Variants in SOX2 observed in about 807,000 individuals in gnomAD.
The protein encoded by SOX2 is transcription factor SOX-2.
A neutral mutation model predicts 19.7 loss-of-function variants in SOX2; 2 were observed. That is an observed-to-expected ratio of 0.10 (90% CI 0.04 to 0.32). The LOEUF (loss-of-function observed/expected upper bound fraction) is 0.32, where lower values mean the gene tolerates loss of function less well. SOX2 is among the 10% of genes least tolerant of loss of function. The probability of loss-of-function intolerance (pLI) is 1.00; values close to 1 mark genes in which losing one functional copy is unlikely to be tolerated. For synonymous variants in SOX2, 211 were observed against 196.8 expected (o/e 1.07, Z -0.60); for missense variants, 294 against 459.9 (o/e 0.64, Z 3.30).
rs769290320 is a variant in SOX2 at position 181,712,881 on chromosome 3, T to TGCAGGACCAGCTGGGCTACCC, written c.526_546dup (p.Asp176_Gln182dup). 3 of 1,611,514 alleles carry TGCAGGACCAGCTGGGCTACCC rather than the reference T, an allele frequency of 1.9e-6. No individual in the cohort carries two copies. Among genetic ancestry groups the TGCAGGACCAGCTGGGCTACCC allele is most frequent in the Non-Finnish European group, 2.5e-6 (3 of 1,179,408 alleles). On this transcript the variant is annotated inframe_insertion, in exon 1 of 1. Coordinates refer to ENST00000325404, the MANE Select transcript of SOX2 (RefSeq NM_003106.4). The surrounding 1 kb of genome is among the most constrained non-coding windows in gnomAD (Gnocchi z 8.5). ...TGGAGCAACGGCAGCTACAGCATGA[T>TGCAGGACCAGCTGGGCTACCC]GCAGGACCAGCTGGGCTACCCGCAG...
Position 181,713,311 on chromosome 3 carries a change from G to A in SOX2, c.951G>A (p.Met317Ile), listed in dbSNP as rs1714884336. Reference sequence around the variant, plus strand: ...ACGGCACACTGCCCCTCTCACACATGTGAGGGCCGGACAGCGAACTGGAGG... The same window carrying A: ...ACGGCACACTGCCCCTCTCACACATATGAGGGCCGGACAGCGAACTGGAGG... Reference protein sequence around the residue: ...AINGTLPLSHM With the variant: ...AINGTLPLSHI Residue 317 changes from methionine (M) to isoleucine (I), a missense_variant, in exon 1 of 1, where the codon ATG (methionine) becomes ATA (isoleucine). Around this residue, in one of 3 missense-constraint regions of SOX2, gnomAD observed 223 missense variants for 292.7 expected, o/e 0.76. Coordinates refer to ENST00000325404, the MANE Select transcript of SOX2 (RefSeq NM_003106.4). 6.4e-7 allele frequency: 1 copy of A among 1,569,410 alleles called. No individual in the cohort carries two copies. The highest frequency in any genetic ancestry group is 8.6e-7 in the Non-Finnish European group (1 of 1,157,242).
Position 181,712,944 on chromosome 3 carries a change from A to T in SOX2, c.584A>T (p.Gln195Leu). The T allele has an allele frequency of 6.2e-7, 1 of 1,613,878 alleles. No homozygotes were observed. The highest frequency in any genetic ancestry group is 8.5e-7 in the Non-Finnish European group (1 of 1,180,042). Residue 195 changes from glutamine (Q) to leucine (L), a missense_variant, in exon 1 of 1, where the codon CAG (glutamine) becomes CTG (leucine). This residue lies in a region of SOX2 where 223 missense variants were observed against 292.7 expected (regional missense o/e 0.76). Transcript: ENST00000325404. This position sits in a 1 kb window ranked among gnomAD's most constrained non-coding sequence, Gnocchi z 8.5. ...GLNAHGAAQM[Q>L]PMHRYDVSAL... is the part of the protein sequence containing the mutation. ...AATGCGCACGGCGCAGCGCAGATGC[A>T]GCCCATGCACCGCTACGACGTGAGC... is the stretch of plus-strand genomic sequence containing the variant.
Position 181,712,346 on chromosome 3 carries a change from G to C in SOX2, c.-15G>C. The C allele has an allele frequency of 2.1e-6, 3 of 1,436,726 alleles. No individual in the cohort carries two copies. Among genetic ancestry groups the C allele is most frequent in the Non-Finnish European group, 2.7e-6 (3 of 1,101,362 alleles). The allele number at this position is 1,436,726 out of a possible 1,614,324, so 89.0% of individuals were successfully genotyped here. A position where few individuals can be genotyped will look rare whatever the true frequency, so the allele number is the denominator to read the frequency against. ...CGGCGGCCGCCGGCGGGCCGGGCCC[G>C]CGCACAGCGCCCGCATGTACAACAT... On this transcript the variant is annotated 5_prime_UTR_variant, in exon 1 of 1. Transcript: ENST00000325404. The surrounding 1 kb of genome is among the most constrained non-coding windows in gnomAD (Gnocchi z 8.5).
Position 181,712,722 on chromosome 3 carries a change from A to G in SOX2, c.362A>G (p.Lys121Arg), listed in dbSNP as rs1341730817. ...RPRRKTKTLM[K>R]KDKYTLPGGL... ...CGGCGGAAAACCAAGACGCTCATGAAGAAGGATAAGTACACGCTGCCCGGC... is the reference window on the plus strand; with the variant it reads ...CGGCGGAAAACCAAGACGCTCATGAGGAAGGATAAGTACACGCTGCCCGGC... Residue 121 changes from lysine (K) to arginine (R), a missense_variant, in exon 1 of 1, where the codon AAG becomes AGG. By Grantham distance (26) the Lys-to-Arg change is conservative. Transcript: ENST00000325404. The surrounding 1 kb of genome is among the most constrained non-coding windows in gnomAD (Gnocchi z 8.5). 6.2e-7 allele frequency: 1 copy of G among 1,613,302 alleles called. No individual in the cohort carries two copies. The highest frequency in any genetic ancestry group is 8.5e-7 in the Non-Finnish European group (1 of 1,179,588).
Position 181,712,226 on chromosome 3 carries a change from C to G in SOX2, c.-135C>G, listed in dbSNP as rs1360904565. The G allele has an allele frequency of 1.7e-6, 1 of 585,876 alleles. No homozygotes were observed. Among genetic ancestry groups the G allele is most frequent in the Non-Finnish European group, 2.5e-6 (1 of 397,780 alleles). 36.3% of individuals were successfully genotyped at this position (585,876 alleles called of 1,614,324 possible). The stretch of plus-strand genomic sequence containing the variant: ...CCAAATTATTCTTCGCCTGATTTTC[C>G]TCGCGGAGCCCTGCGCTCCCGACAC... On this transcript the variant is annotated 5_prime_UTR_variant, in exon 1 of 1. Transcript: ENST00000325404. This position sits in a 1 kb window ranked among gnomAD's most constrained non-coding sequence, Gnocchi z 8.5.
chr3:181,713,438 GAA>G lies in SOX2; in HGVS notation c.*134_*135del. The G allele has an allele frequency of 6.5e-6, 7 of 1,070,878 alleles. No homozygotes were observed. The highest frequency in any genetic ancestry group is 9.1e-6 in the Non-Finnish European group (7 of 770,898). The allele number at this position is 1,070,878 out of a possible 1,614,324, so 66.3% of individuals were successfully genotyped here. On this transcript the variant is annotated 3_prime_UTR_variant, in exon 1 of 1. Transcript: ENST00000325404. Reference sequence around the variant, plus strand: ...ACCCGGTACGCTCAAAAAGAAAAAGGAAAAAAAAAAATCCCATCACCCACAGC... The same window carrying G: ...ACCCGGTACGCTCAAAAAGAAAAAGGAAAAAAAAATCCCATCACCCACAGC...
rs1560264071 is a variant in SOX2, at chr3:181,712,348, G to C, written c.-13G>C. On this transcript the variant is annotated 5_prime_UTR_variant, in exon 1 of 1. Transcript: ENST00000325404. This position sits in a 1 kb window ranked among gnomAD's most constrained non-coding sequence, Gnocchi z 8.5. Reference sequence around the variant, plus strand: ...GCGGCCGCCGGCGGGCCGGGCCCGCGCACAGCGCCCGCATGTACAACATGA... The same window carrying C: ...GCGGCCGCCGGCGGGCCGGGCCCGCCCACAGCGCCCGCATGTACAACATGA... 1 of 1,445,722 alleles carries C rather than the reference G, an allele frequency of 6.9e-7. No homozygotes were observed. Among genetic ancestry groups the C allele is most frequent in the Non-Finnish European group, 9.0e-7 (1 of 1,105,680 alleles). 89.6% of individuals were successfully genotyped at this position (1,445,722 alleles called of 1,614,324 possible).
In SOX2 at chr3:181,713,372, G is replaced by A; in HGVS notation, c.*58G>A. 1 of 1,549,374 alleles carries A rather than the reference G, an allele frequency of 6.5e-7. No homozygotes were observed. Among genetic ancestry groups the A allele is most frequent in the Non-Finnish European group, 8.7e-7 (1 of 1,145,940 alleles). On this transcript the variant is annotated 3_prime_UTR_variant, in exon 1 of 1. Coordinates refer to ENST00000325404, the MANE Select transcript of SOX2 (RefSeq NM_003106.4). The stretch of plus-strand genomic sequence containing the variant: ...TTTCAAAGAAAAACGAGGGAAATGG[G>A]AGGGGTGCAAAAGAGGAGAGTAAGA...
At position 181,712,970 on chromosome 3, in the gene SOX2, G is replaced by T. The variant is rs1327198683; in HGVS notation, c.610G>T (p.Ala204Ser). 6.2e-7 allele frequency: 1 copy of T among 1,613,796 alleles called. No homozygotes were observed. The highest frequency in any genetic ancestry group is 8.5e-7 in the Non-Finnish European group (1 of 1,180,046). The change falls in exon 1 of 1, where the codon GCC becomes TCC. Residue 204 changes from alanine to serine, a missense_variant. Physicochemically the swap from Ala to Ser is moderately conservative, Grantham distance 99. Transcript: ENST00000325404. This position sits in a 1 kb window ranked among gnomAD's most constrained non-coding sequence, Gnocchi z 8.5. ...MQPMHRYDVS[A>S]LQYNSMTSSQ... ...GCCCATGCACCGCTACGACGTGAGC[G>T]CCCTGCAGTACAACTCCATGACCAG...
rs1407214037 is a variant in SOX2, at chr3:181,714,270, T to C, written c.*956T>C. On this transcript the variant is annotated 3_prime_UTR_variant, in exon 1 of 1. Transcript: ENST00000325404. Reference sequence around the variant, plus strand: ...GTTTTCCCCCCTTTATTTTCCGTAGTTGTATTTTAAAAGATTCGGCTCTGT... The same window carrying C: ...GTTTTCCCCCCTTTATTTTCCGTAGCTGTATTTTAAAAGATTCGGCTCTGT... 1.3e-5 allele frequency: 3 copies of C among 237,650 alleles called. No individual in the cohort carries two copies. Among genetic ancestry groups the C allele is most frequent in the African/African-American group, 2.2e-5 (1 of 44,856 alleles). The allele number at this position is 237,650 out of a possible 1,614,324, so 14.7% of individuals were successfully genotyped here.
At position 181,711,936 on chromosome 3, in the gene SOX2, A is replaced by G. The variant is rs1240478281; in HGVS notation, c.-425A>G. 1 of 236,054 alleles carries G rather than the reference A, an allele frequency of 4.2e-6. No individual in the cohort carries two copies. The highest frequency in any genetic ancestry group is 6.1e-5 in the East Asian group (1 of 16,528). The allele number at this position is 236,054 out of a possible 1,614,324, so 14.6% of individuals were successfully genotyped here. ...GCCCCCGTCACATGGATGGTTGTCTATTAACTTGTTCAAAAAAGTATCAGG... is the reference window on the plus strand; with the variant it reads ...GCCCCCGTCACATGGATGGTTGTCTGTTAACTTGTTCAAAAAAGTATCAGG... On this transcript the variant is annotated 5_prime_UTR_variant, in exon 1 of 1. Transcript: ENST00000325404.
In SOX2 at chr3:181,713,615, G is replaced by C. The variant is rs181132204; in HGVS notation, c.*301G>C. 1.9e-6 allele frequency: 1 copy of C among 521,970 alleles called. No individual in the cohort carries two copies. Among genetic ancestry groups the C allele is most frequent in the East Asian group, 3.4e-5 (1 of 29,142 alleles). 32.3% of individuals were successfully genotyped at this position (521,970 alleles called of 1,614,324 possible). On this transcript the variant is annotated 3_prime_UTR_variant, in exon 1 of 1. Transcript: ENST00000325404. ...AAAACCTGGGGAGGGTGGGGAGGGC[G>C]GGGGAATGGACCTTGTATAGATCTG...
At position 181,713,615 on chromosome 3, in the gene SOX2, G is replaced by T. The variant is rs181132204; in HGVS notation, c.*301G>T. On this transcript the variant is annotated 3_prime_UTR_variant, in exon 1 of 1. Transcript: ENST00000325404. ...AAAACCTGGGGAGGGTGGGGAGGGC[G>T]GGGGAATGGACCTTGTATAGATCTG... The T allele has an allele frequency of 3.8e-6, 2 of 521,858 alleles. No individual in the cohort carries two copies. Among genetic ancestry groups the T allele is most frequent in the Middle Eastern group, 5.2e-4 (1 of 1,908 alleles). 32.3% of individuals were successfully genotyped at this position (521,858 alleles called of 1,614,324 possible).
Position 181,712,544 on chromosome 3 carries a change from G to A in SOX2, c.184G>A (p.Glu62Lys), listed in dbSNP as rs1560264306. ...CGGGCAGCGGCGCAAGATGGCCCAG[G>A]AGAACCCCAAGATGCACAACTCGGA... ...SRGQRRKMAQ[E>K]NPKMHNSEIS... Residue 62 changes from glutamate (E) to lysine (K), a missense_variant, in exon 1 of 1, where the codon GAG becomes AAG. Physicochemically the swap from Glu to Lys is moderately conservative, Grantham distance 56. This residue lies in a region of SOX2 where 20 missense variants were observed against 112.3 expected (regional missense o/e 0.18). Coordinates refer to ENST00000325404, the MANE Select transcript of SOX2 (RefSeq NM_003106.4). This position sits in a 1 kb window ranked among gnomAD's most constrained non-coding sequence, Gnocchi z 8.5. 1 of 1,614,190 alleles carries A rather than the reference G, an allele frequency of 6.2e-7. No individual in the cohort carries two copies. Among genetic ancestry groups the A allele is most frequent in the Non-Finnish European group, 8.5e-7 (1 of 1,180,020 alleles).
In SOX2 at chr3:181,712,737, CGCT is replaced by C; in HGVS notation, c.380_382del (p.Leu127del). ...ACGCTCATGAAGAAGGATAAGTACA[CGCT>C]GCCCGGCGGGCTGCTGGCCCCCGGC... On this transcript the variant is annotated inframe_deletion, in exon 1 of 1. Coordinates refer to ENST00000325404, the MANE Select transcript of SOX2 (RefSeq NM_003106.4). This position sits in a 1 kb window ranked among gnomAD's most constrained non-coding sequence, Gnocchi z 8.5. 1 of 1,610,894 alleles carries C rather than the reference CGCT, an allele frequency of 6.2e-7. No homozygotes were observed. The highest frequency in any genetic ancestry group is 1.1e-5 in the South Asian group (1 of 90,866).
In SOX2 at chr3:181,713,898, G is replaced by C. The variant is rs1311117594; in HGVS notation, c.*584G>C. 8.0e-6 allele frequency: 2 copies of C among 248,812 alleles called. No homozygotes were observed. The highest frequency in any genetic ancestry group is 5.6e-5 in the Admixed American group (1 of 18,010). 15.4% of individuals were successfully genotyped at this position (248,812 alleles called of 1,614,324 possible). On this transcript the variant is annotated 3_prime_UTR_variant, in exon 1 of 1. Transcript: ENST00000325404. ...CTTCTTGCTGAATTTTGATTCTGCA[G>C]CTGAAATTTAGGACAGTTGCAAACG...
At position 181,714,235 on chromosome 3, in the gene SOX2, A is replaced by T. The variant is rs1714926349; in HGVS notation, c.*921A>T. On this transcript the variant is annotated 3_prime_UTR_variant, in exon 1 of 1. Transcript: ENST00000325404. ...GTAATATTTCTGTAAATTTATTGTG[A>T]TATTTTAAGGTTTTCCCCCCTTTAT... The T allele has an allele frequency of 4.2e-6, 1 of 238,006 alleles. No individual in the cohort carries two copies. Among genetic ancestry groups the T allele is most frequent in the Non-Finnish European group, 8.9e-6 (1 of 112,004 alleles). The allele number at this position is 238,006 out of a possible 1,614,324, so 14.7% of individuals were successfully genotyped here.
rs1714823072 is a variant in SOX2 at position 181,712,201 on chromosome 3, C to G, written c.-160C>G. 1 of 497,028 alleles carries G rather than the reference C, an allele frequency of 2.0e-6. No homozygotes were observed. The highest frequency in any genetic ancestry group is 4.5e-5 in the Admixed American group (1 of 22,420). 30.8% of individuals were successfully genotyped at this position (497,028 alleles called of 1,614,324 possible). On this transcript the variant is annotated 5_prime_UTR_variant, in exon 1 of 1. Transcript: ENST00000325404. This position sits in a 1 kb window ranked among gnomAD's most constrained non-coding sequence, Gnocchi z 8.5. ...CAGTTTGCCTCTCTCTTTTTTTCCC[C>G]CAAATTATTCTTCGCCTGATTTTCC...
chr3:181,712,167 TC>T lies in SOX2; in HGVS notation c.-192del. On this transcript the variant is annotated 5_prime_UTR_variant, in exon 1 of 1. Coordinates refer to ENST00000325404, the MANE Select transcript of SOX2 (RefSeq NM_003106.4). This position sits in a 1 kb window ranked among gnomAD's most constrained non-coding sequence, Gnocchi z 8.5. ...AGGAGGAGGGAAGCGCTTTTTTTGATCCTGATTCCAGTTTGCCTCTCTCTTT... is the reference window on the plus strand; with the variant it reads ...AGGAGGAGGGAAGCGCTTTTTTTGATCTGATTCCAGTTTGCCTCTCTCTTT... 2.4e-6 allele frequency: 1 copy of T among 411,716 alleles called. No individual in the cohort carries two copies. The highest frequency in any genetic ancestry group is 4.1e-6 in the Non-Finnish European group (1 of 241,732). 25.5% of individuals were successfully genotyped at this position (411,716 alleles called of 1,614,324 possible). A position where few individuals can be genotyped will look rare whatever the true frequency, so the allele number is the denominator to read the frequency against.
Sources: gnomAD v4.1 joint callset for allele counts on GRCh38, gnomAD v4.1.1 for gene constraint, gnomAD v4.1.1 regional missense constraint, Gnocchi (gnomAD v3.1) non-coding constraint, MANE v1.5 for transcripts, NCBI Gene and HGNC (gene_info 2026-07-23, HGNC 2026-07-21) for gene names.